WDFY4: variants seen among roughly 807,000 people sequenced by gnomAD.
WDFY4 encodes the protein WDFY family member 4.
A neutral mutation model predicts 351.9 loss-of-function variants in WDFY4; 169 were observed. The ratio of observed to expected loss-of-function variants is 0.48; its 90% CI spans 0.42 to 0.55. The LOEUF (loss-of-function observed/expected upper bound fraction) is 0.55. WDFY4 is among the 20% of genes least tolerant of loss of function. The pLI is 0.00. For synonymous variants in WDFY4, 1,622 were observed against 1,574.6 expected (o/e 1.03, Z -0.71); for missense variants, 3,803 against 3,935.6 (o/e 0.97, Z 0.90).
chr10:48,803,297 T>A lies in WDFY4; in HGVS notation c.4422T>A (p.Asn1474Lys). ...GTTTTGTCTTCCAGCTCTGGATGAA[T>A]ACTGCAGACAATCTGGAGCTCAGCC... ...HILCNFELWMNTADNLELSLF... is the reference protein window; with the variant it reads ...HILCNFELWMKTADNLELSLF... Residue 1474 changes from asparagine to lysine, a missense_variant, in exon 25 of 62, where the codon AAT (asparagine) becomes AAA (lysine). By Grantham distance (94) the Asn-to-Lys change is moderately conservative. Coordinates refer to ENST00000325239, the MANE Select transcript of WDFY4 (RefSeq NM_001394531.1). The A allele has an allele frequency of 6.4e-7, 1 of 1,552,042 alleles. No individual in the cohort carries two copies. The highest frequency in any genetic ancestry group is 8.7e-7 in the Non-Finnish European group (1 of 1,147,058).
In WDFY4 at chr10:48,823,556, A is replaced by G. The variant is rs1005375891; in HGVS notation, c.5982+1019A>G. ...GATGAGCAGGTCCAAGCAAACCTGGAAAGACTTGAATTCAAAGGCTTCTTC... is the reference window on the plus strand; with the variant it reads ...GATGAGCAGGTCCAAGCAAACCTGGGAAGACTTGAATTCAAAGGCTTCTTC... On this transcript the variant is annotated intron_variant, in intron 35 of 61. Coordinates refer to ENST00000325239, the MANE Select transcript of WDFY4 (RefSeq NM_001394531.1). 66 of 1,076,382 alleles carry G rather than the reference A, an allele frequency of 6.1e-5. No homozygotes were observed. The African/African-American group carries it at 1.0e-3, about 16-fold the overall frequency. The allele number at this position is 1,076,382 out of a possible 1,614,324, so 66.7% of individuals were successfully genotyped here.
chr10:48,811,605 T>G lies in WDFY4; in HGVS notation c.5111T>G (p.Leu1704Trp). ...SPCLLPGFRVLNDFLAHHVHI... is the reference protein window; with the variant it reads ...SPCLLPGFRVWNDFLAHHVHI... Reference sequence around the variant, plus strand: ...TGCCTGCTTCCTGGGTTCCGTGTCTTGAATGACTTTCTGGCCCACCACGTC... The same window carrying G: ...TGCCTGCTTCCTGGGTTCCGTGTCTGGAATGACTTTCTGGCCCACCACGTC... Residue 1704 changes from leucine to tryptophan, a missense_variant, in exon 30 of 62, where the codon TTG (leucine) becomes TGG (tryptophan). Leu to Trp is a moderately conservative substitution (Grantham distance 61). This residue lies in a region of WDFY4 where 3,054 missense variants were observed against 3,148.6 expected (regional missense o/e 0.97). Transcript: ENST00000325239. The G allele has an allele frequency of 6.4e-7, 1 of 1,552,118 alleles. No individual in the cohort carries two copies. The highest frequency in any genetic ancestry group is 8.7e-7 in the Non-Finnish European group (1 of 1,147,098).
intron 44 of WDFY4, among the ~76,000 whole-genome samples, chr10:48,895,787 A>C (rs1342213319): frequency 6.6e-6 from 1 of 151,706 alleles, no homozygotes; most frequent in Non-Finnish European, 1.5e-5. Context: ...AGGAGGGGTC[A>C]CTCTGAGATC....
At chr10:48,899,076 T>C (rs988313575) in intron 45 of WDFY4, among the ~76,000 whole-genome samples, 7 of 152,242 alleles carry the variant, frequency 4.6e-5, no homozygotes, top group African/African-American at 1.7e-4. Flanking sequence ...AGTGGGGTTT[T>C]TTCCCCAAGT....
At chr10:48,971,692 G>C (rs1313231713) in intron 57 of WDFY4, among the ~76,000 whole-genome samples, 1 of 152,208 alleles carries the variant, frequency 6.6e-6, no homozygotes, top group African/African-American at 2.4e-5. Flanking sequence ...CATGGAGGGT[G>C]CTGCGTGGGC....
At chr10:48,937,733 G>A (rs1840475676) in intron 47 of WDFY4, among the ~76,000 whole-genome samples, 1 of 152,222 alleles carries the variant, frequency 6.6e-6, no homozygotes, top group Non-Finnish European at 1.5e-5. Flanking sequence ...GAGGTTTAAT[G>A]AGCTGTTCAT....
intron 5 of WDFY4, among the ~76,000 whole-genome samples, chr10:48,724,100 C>G (rs1780645629): frequency 6.6e-6 from 1 of 152,186 alleles, no homozygotes; most frequent in South Asian, 2.1e-4. Context: ...CCTTCCCCTG[C>G]CCACTTCCGG....
chr10:48,728,111 C>T (rs1382032761), intron 7 of WDFY4, among the ~76,000 whole-genome samples: 4 of 152,210 alleles, frequency 2.6e-5, no homozygotes, highest in African/African-American at 7.2e-5. Flanking sequence ...TCCAGAGCTC[C>T]CCAGAAGGAT....
intron 16 of WDFY4, 130 bp downstream of exon 16, chr10:48,777,114 T>G: frequency 1.7e-6 from 2 of 1,201,336 alleles, no homozygotes; most frequent in Non-Finnish European, 2.3e-6. Flanking sequence ...AATGTCTGGG[T>G]CATGGACACC....
chr10:48,888,592 C>T (rs148541135), intron 43 of WDFY4, among the ~76,000 whole-genome samples: 142 of 152,140 alleles, frequency 9.3e-4, no homozygotes, highest in Middle Eastern at 3.4e-3. Context: ...ACAATAAAAC[C>T]CAAGGGCCAT....
chr10:48,981,327 G>A (rs1364936154), intron 60 of WDFY4, 40 bp from the exon 61 acceptor site: 6 of 1,538,716 alleles, frequency 3.9e-6, no homozygotes, highest in African/African-American at 1.4e-5. Context: ...GTGCGAAGCC[G>A]ATCTGGCGTT....
chr10:48,903,663 G>C (rs1297231822), intron 47 of WDFY4, among the ~76,000 whole-genome samples: 2 of 152,214 alleles, frequency 1.3e-5, no homozygotes, highest in Non-Finnish European at 1.5e-5. Context: ...CAGAGAAAGA[G>C]TGGCTGTAGG....
intron 53 of WDFY4, among the ~76,000 whole-genome samples, chr10:48,961,877 G>T (rs7082322): frequency 6.6e-6 from 1 of 151,760 alleles, no homozygotes; most frequent in Non-Finnish European, 1.5e-5. Context: ...TGGAGGTGGC[G>T]ATAAGGACTG....
chr10:48,827,619 G>A lies in WDFY4; in HGVS notation c.6221+710G>A, dbSNP rs185031603. Among the ~76,000 whole-genome samples the A allele has an allele frequency of 4.0e-5, 6 of 150,954 alleles. No homozygotes were observed. In the East Asian group the frequency reaches 1.2e-3, roughly 30 times the overall value. On this transcript the variant is annotated intron_variant, in intron 36 of 61. Transcript: ENST00000325239. ...ATGTCTTATGAATAGAGCCGTGAGAGTGTAGAGGGAGAGAGGACAATGGGA... is the reference window on the plus strand; with the variant it reads ...ATGTCTTATGAATAGAGCCGTGAGAATGTAGAGGGAGAGAGGACAATGGGA...
At chr10:48,788,161 G>C (rs377536043) in intron 20 of WDFY4, among the ~76,000 whole-genome samples, 3 of 151,928 alleles carry the variant, frequency 2.0e-5, no homozygotes, top group African/African-American at 7.2e-5. Flanking sequence ...CCAAGTAGCT[G>C]GGACTACAGG....
At chr10:48,914,110 T>G (rs750623044) in intron 47 of WDFY4, 6 of 1,614,224 alleles carry the variant, frequency 3.7e-6, no homozygotes, top group South Asian at 2.2e-5. Flanking sequence ...CTGGCCACCT[T>G]GAGGGTGATC....
In WDFY4 at chr10:48,806,016, T is replaced by C; in HGVS notation, c.4659T>C (p.Phe1553=). The change falls in exon 27 of 62, where the codon TTT becomes TTC. Residue 1553 remains phenylalanine (F), a synonymous_variant. Coordinates refer to ENST00000325239, the MANE Select transcript of WDFY4 (RefSeq NM_001394531.1). The part of the protein sequence containing the change: ...STQDLLRIGL[F]VVYTLKPSSV... ...CCTGTGTATAAAGGATTGGGCTGTT[T>C]GTTGTGTACACCCTCAAGCCTTCGT... 1 of 1,551,688 alleles carries C rather than the reference T, an allele frequency of 6.4e-7. No individual in the cohort carries two copies. Among genetic ancestry groups the C allele is most frequent in the Non-Finnish European group, 8.7e-7 (1 of 1,146,982 alleles).
At chr10:48,912,982 G>T (rs1191957520) in intron 47 of WDFY4, among the ~76,000 whole-genome samples, 1 of 152,198 alleles carries the variant, frequency 6.6e-6, no homozygotes, top group Non-Finnish European at 1.5e-5. Flanking sequence ...TTGAAGCCCA[G>T]ACCCAAAACA....
At chr10:48,745,687 A>G (rs756274026) in intron 12 of WDFY4, 4 of 571,652 alleles carry the variant, frequency 7.0e-6, no homozygotes, top group Non-Finnish European at 1.3e-5. Flanking sequence ...GGTGGCTGTC[A>G]CTGCCTGGTA....
Sources: gnomAD v4.1 joint callset for allele counts (sites outside exome capture counted in the v4.1 genomes callset) on GRCh38, gnomAD v4.1.1 for gene constraint, gnomAD v4.1.1 regional missense constraint, MANE v1.5 for transcripts, NCBI Gene and HGNC (gene_info 2026-07-23, HGNC 2026-07-21) for gene names.